Variants in COL19A1 observed in about 807,000 individuals in gnomAD.
The protein encoded by COL19A1 is collagen type XIX alpha 1 chain, also known as collagen alpha-1(XIX) chain.
A neutral mutation model predicts 190.2 loss-of-function variants in COL19A1; 159 were observed. The ratio of observed to expected loss-of-function variants is 0.84; its 90% CI spans 0.73 to 0.95. The LOEUF (loss-of-function observed/expected upper bound fraction) is 0.95. COL19A1 is among the 40% of genes least tolerant of loss of function. COL19A1 has a pLI of 0.00. For synonymous variants in COL19A1, 509 were observed against 458.9 expected (o/e 1.11, Z -1.39); for missense variants, 1,418 against 1,431.9 (o/e 0.99, Z 0.16).
intron 49 of COL19A1, among the ~76,000 whole-genome samples, chr6:70,201,892 G>T (rs1482037602): frequency 2.6e-5 from 4 of 152,168 alleles, no homozygotes; most frequent in Non-Finnish European, 5.9e-5. Context: ...TGCCTCTAGA[G>T]AAGTGCACAG....
intron 15 of COL19A1, among the ~76,000 whole-genome samples, chr6:70,072,976 T>TTTATTTAG (rs1467015220): frequency 6.7e-6 from 1 of 150,130 alleles, no homozygotes; most frequent in African/African-American, 2.5e-5. Context: ...TATTTATTTA[T>TTTATTTAG]TTATTTATTT....
At chr6:70,125,983 C>T (rs777646303) in intron 17 of COL19A1, among the ~76,000 whole-genome samples, 16 of 152,066 alleles carry the variant, frequency 1.1e-4, no homozygotes, top group South Asian at 2.1e-4. Context: ...GTTTTATCTG[C>T]GGAGGCCAAG....
chr6:70,079,291 G>A (rs1388079157), intron 15 of COL19A1, among the ~76,000 whole-genome samples: 2 of 152,156 alleles, frequency 1.3e-5, no homozygotes, highest in African/African-American at 4.8e-5. Context: ...TAGAAGAGAT[G>A]AGTCAGTTTG....
rs184325332 is a variant in COL19A1 at position 70,137,302 on chromosome 6, G to T, written c.1384-383G>T. On this transcript the variant is annotated intron_variant, in intron 18 of 50. Coordinates refer to ENST00000620364, the MANE Select transcript of COL19A1 (RefSeq NM_001858.6). ...AAGTGCCTGAAATAAAATGAGTCTG[G>T]ATTATTGTGCCAGTTAAACAGTCTG... Among the ~76,000 whole-genome samples the T allele has an allele frequency of 2.1e-3, 323 of 152,204 alleles. 2 individuals carry two copies. Among genetic ancestry groups the T allele is most frequent in the African/African-American group, 7.2e-3 (299 of 41,542 alleles).
chr6:69,938,593 CT>C (rs1003115439), intron 9 of COL19A1, among the ~76,000 whole-genome samples: 1 of 151,964 alleles, frequency 6.6e-6, no homozygotes, highest in African/African-American at 2.4e-5. Flanking sequence ...GATATATTCC[CT>C]GTTCTCAATG....
chr6:69,958,202 C>A (rs1774548065), intron 9 of COL19A1, among the ~76,000 whole-genome samples: 1 of 151,620 alleles, frequency 6.6e-6, no homozygotes, highest in Non-Finnish European at 1.5e-5. Flanking sequence ...GGGCTGTGAG[C>A]AAAGAAAAAG....
In COL19A1 at chr6:69,931,455, T is replaced by C. The variant is rs570491159; in HGVS notation, c.667-1328T>C. 9.9e-5 allele frequency among the ~76,000 whole-genome samples: 15 copies of C among 152,282 alleles called. No individual in the cohort carries two copies. The South Asian group carries it at 3.1e-3, about 32-fold the overall frequency. On this transcript the variant is annotated intron_variant, in intron 6 of 50. Coordinates refer to ENST00000620364, the MANE Select transcript of COL19A1 (RefSeq NM_001858.6). ...ATCTATCTTTAGTTAAGTAAAACAA[T>C]TCATAAGCAGGACCTGGTACAATGG... is the stretch of plus-strand genomic sequence containing the variant.
chr6:69,930,890 G>GT (rs1772720488), intron 6 of COL19A1, among the ~76,000 whole-genome samples: 1 of 152,102 alleles, frequency 6.6e-6, no homozygotes, highest in Admixed American at 6.6e-5. Flanking sequence ...AAGGATATAG[G>GT]TAAAAACCGT....
chr6:69,872,682 G>A (rs183480248), intron 1 of COL19A1, among the ~76,000 whole-genome samples: 1 of 152,300 alleles, frequency 6.6e-6, no homozygotes, highest in African/African-American at 2.4e-5. Flanking sequence ...TGGGGTAAAG[G>A]TTAGGGCTAG....
intron 11 of COL19A1, among the ~76,000 whole-genome samples, chr6:69,989,553 C>CT (rs3072698): frequency 0.017 from 2,133 of 126,276 alleles, 34 homozygotes; most frequent in Non-Finnish European, 0.026. Flanking sequence ...GAGTTTTTTA[C>CT]TTTTTTTTTT....
chr6:70,034,772 A>T (rs189805380), intron 13 of COL19A1, among the ~76,000 whole-genome samples: 15 of 152,356 alleles, frequency 9.8e-5, no homozygotes, highest in Middle Eastern at 3.4e-3. Flanking sequence ...GAAATTAAGA[A>T]ATAGGAAAAA....
At chr6:69,883,082 T>C (rs981773270) in intron 2 of COL19A1, among the ~76,000 whole-genome samples, 2 of 152,186 alleles carry the variant, frequency 1.3e-5, no homozygotes, top group Admixed American at 6.5e-5. Context: ...ATGAAGGCAG[T>C]GTGAGGGCAA....
intron 11 of COL19A1, among the ~76,000 whole-genome samples, chr6:69,976,365 G>A (rs1191350058): frequency 2.6e-5 from 4 of 152,080 alleles, no homozygotes; most frequent in African/African-American, 7.2e-5. Context: ...AACATATGCT[G>A]GGTTTTGGAA....
chr6:69,877,875 A>T (rs2502551), intron 1 of COL19A1, among the ~76,000 whole-genome samples: 3 of 151,624 alleles, frequency 2.0e-5, no homozygotes, highest in Admixed American at 6.6e-5. Context: ...CATAGTGGCA[A>T]GTGCCTGTAA....
At chr6:69,962,069 C>T (rs1774831890) in intron 10 of COL19A1, among the ~76,000 whole-genome samples, 1 of 152,130 alleles carries the variant, frequency 6.6e-6, no homozygotes, top group Non-Finnish European at 1.5e-5. Flanking sequence ...TGACCTGTTC[C>T]CAACATTCAC....
chr6:70,176,509 A>C lies in COL19A1; in HGVS notation c.2623-11A>C, dbSNP rs770116850. 20 of 1,613,082 alleles carry C rather than the reference A, an allele frequency of 1.2e-5. No homozygotes were observed. The East Asian group carries it at 4.5e-4, about 36-fold the overall frequency. On this transcript the variant is annotated splice_polypyrimidine_tract_variant and intron_variant, in intron 41 of 50. Transcript: ENST00000620364. Reference sequence around the variant, plus strand: ...TGTCATTAAAGTAGCAATGTTTTTAAATCCCAACAGGGAGATCGAGGCCCA... The same window carrying C: ...TGTCATTAAAGTAGCAATGTTTTTACATCCCAACAGGGAGATCGAGGCCCA...
At chr6:70,183,614 T>C (rs1379742722) in intron 44 of COL19A1, among the ~76,000 whole-genome samples, 2 of 152,234 alleles carry the variant, frequency 1.3e-5, no homozygotes, top group Non-Finnish European at 2.9e-5. Context: ...TAATAAATTC[T>C]TTGAACCATA....
intron 11 of COL19A1, among the ~76,000 whole-genome samples, chr6:69,992,449 T>C (rs1474179137): frequency 6.6e-6 from 1 of 152,062 alleles, no homozygotes; most frequent in Non-Finnish European, 1.5e-5. Context: ...ATTTTGCACT[T>C]GTATACAAGA....
Position 70,212,062 on chromosome 6 carries a change from A to C in COL19A1, c.*4788A>C, listed in dbSNP as rs561778578. ...GGTAAATAAGATTTAAGTTTATCAG[A>C]AGTGTGTGTATTGTGTGACCATACT... On this transcript the variant is annotated 3_prime_UTR_variant, in exon 51 of 51. Transcript: ENST00000620364. Among the ~76,000 whole-genome samples the C allele has an allele frequency of 6.6e-6, 1 of 152,164 alleles. No individual in the cohort carries two copies. Among genetic ancestry groups the C allele is most frequent in the Non-Finnish European group, 1.5e-5 (1 of 68,018 alleles).
Sources: allele counts gnomAD v4.1 joint callset (sites outside exome capture counted in the v4.1 genomes callset), GRCh38; gene constraint gnomAD v4.1.1; transcripts MANE v1.5; gene names NCBI Gene and HGNC (gene_info 2026-07-23, HGNC 2026-07-21).